MGAT4C: variants seen among roughly 807,000 people sequenced by gnomAD.
MGAT4C encodes alpha-1,3-mannosyl-glycoprotein 4-beta-N-acetylglucosaminyltransferase C.
A neutral mutation model predicts 40.1 loss-of-function variants in MGAT4C; 19 were observed. The observed-to-expected ratio is 0.47, with a 90% CI of 0.33 to 0.70. The LOEUF (loss-of-function observed/expected upper bound fraction) is 0.70. Ranked by LOEUF, MGAT4C falls within the 30% of genes least tolerant of loss-of-function variation. The pLI, the probability that MGAT4C is intolerant of heterozygous loss-of-function variation, is 0.02. For synonymous variants in MGAT4C, 181 were observed against 187.1 expected (o/e 0.97, Z 0.27); for missense variants, 491 against 563.2 (o/e 0.87, Z 1.30).
At chr12:86,004,592 C>G (rs7313373) in intron 2 of MGAT4C, among the ~76,000 whole-genome samples, 68,033 of 151,892 alleles carry the variant, frequency 0.45, 16,087 homozygotes, top group African/African-American at 0.54. Context: ...CTAGAGTAGA[C>G]AAGCCAATGG....
At chr12:86,296,965 C>A (rs778564152) in intron 4 of MGAT4C, among the ~76,000 whole-genome samples, 1 of 152,152 alleles carries the variant, frequency 6.6e-6, no homozygotes, top group Non-Finnish European at 1.5e-5. Flanking sequence ...TCAGTAACAG[C>A]CAAAGGTTAA....
chr12:86,751,625 A>G (rs1014744238), intron 1 of MGAT4C, among the ~76,000 whole-genome samples: 1 of 152,084 alleles, frequency 6.6e-6, no homozygotes, highest in African/African-American at 2.4e-5. Context: ...TAATAGCTTT[A>G]GCATAACTGC....
At chr12:86,189,038 A>C (rs1889086555) in intron 1 of MGAT4C, among the ~76,000 whole-genome samples, 1 of 151,914 alleles carries the variant, frequency 6.6e-6, no homozygotes, top group Non-Finnish European at 1.5e-5. Context: ...GAAATTGATG[A>C]CTTTCTCTGT....
In MGAT4C at chr12:85,961,475, T is replaced by C. The variant is rs2136642725; in HGVS notation, c.*17814A>G. 6.6e-6 allele frequency: 1 copy of C among 151,884 alleles called. No individual in the cohort carries two copies. The highest frequency in any genetic ancestry group is 1.9e-4 in the East Asian group (1 of 5,180). 9.4% of individuals were successfully genotyped at this position (151,884 alleles called of 1,614,324 possible). A position where few individuals can be genotyped will look rare whatever the true frequency, so the allele number is the denominator to read the frequency against. On this transcript the variant is annotated 3_prime_UTR_variant, in exon 5 of 5. Transcript: ENST00000611864. ...AGGTTATAATCAAGATAATTATGTA[T>C]ATATATAAAATTATATATGGTATAG...
At chr12:86,181,751 CTCA>C (rs2135868802) in intron 1 of MGAT4C, among the ~76,000 whole-genome samples, 1 of 152,030 alleles carries the variant, frequency 6.6e-6, no homozygotes, top group African/African-American at 2.4e-5. Flanking sequence ...TAAAATTTTG[CTCA>C]TGTTTTTCGT....
intron 3 of MGAT4C, among the ~76,000 whole-genome samples, chr12:86,400,791 G>A (rs574284680): frequency 3.7e-4 from 56 of 152,240 alleles, no homozygotes; most frequent in African/African-American, 1.2e-3. Context: ...TAATATAGAG[G>A]TAGTCATAAT....
intron 1 of MGAT4C, among the ~76,000 whole-genome samples, chr12:86,738,804 T>C (rs1004462998): frequency 6.6e-6 from 1 of 151,132 alleles, no homozygotes; most frequent in Admixed American, 6.6e-5. Context: ...TGGGGTTGAA[T>C]TTCCAACCTT....
intron 2 of MGAT4C, among the ~76,000 whole-genome samples, chr12:86,546,029 A>C (rs1277239584): frequency 6.6e-6 from 1 of 151,986 alleles, no homozygotes; most frequent in Non-Finnish European, 1.5e-5. Flanking sequence ...CTACAATTAA[A>C]TTAATAAAAT....
chr12:85,978,646 T>C lies in MGAT4C; in HGVS notation c.*643A>G, dbSNP rs998970590. 7.2e-5 allele frequency: 11 copies of C among 151,954 alleles called. No individual in the cohort carries two copies. The highest frequency in any genetic ancestry group is 3.4e-3 in the Middle Eastern group (1 of 294). The allele number at this position is 151,954 out of a possible 1,614,324, so 9.4% of individuals were successfully genotyped here. On this transcript the variant is annotated 3_prime_UTR_variant, in exon 5 of 5. Transcript: ENST00000611864. ...CCCCAGAAAATTTATCAACAATAGG[T>C]GCTCAATTAAATGTTTTTAAACAAT...
At chr12:86,346,658 T>C (rs978407424) in intron 3 of MGAT4C, among the ~76,000 whole-genome samples, 1 of 152,162 alleles carries the variant, frequency 6.6e-6, no homozygotes, top group South Asian at 2.1e-4. Flanking sequence ...ACTGCAACTT[T>C]TGTTGTTATG....
At chr12:86,036,809 A>C (rs1891280848) in intron 2 of MGAT4C, among the ~76,000 whole-genome samples, 1 of 150,048 alleles carries the variant, frequency 6.7e-6, no homozygotes, top group African/African-American at 2.4e-5. Context: ...TGGCCTCATA[A>C]AATGAGTTAG....
At chr12:86,704,817 A>T (rs1338617908) in intron 2 of MGAT4C, among the ~76,000 whole-genome samples, 1 of 152,190 alleles carries the variant, frequency 6.6e-6, no homozygotes, top group East Asian at 1.9e-4. Context: ...TAAGACTTAA[A>T]TGCTTCTTGT....
At chr12:86,565,458 C>T (rs1299263968) in intron 2 of MGAT4C, among the ~76,000 whole-genome samples, 4 of 152,152 alleles carry the variant, frequency 2.6e-5, no homozygotes, top group Non-Finnish European at 5.9e-5. Flanking sequence ...GCACTACAGC[C>T]CATTTCTAGG....
chr12:86,185,584 C>T (rs1888670450), intron 1 of MGAT4C, among the ~76,000 whole-genome samples: 2 of 152,022 alleles, frequency 1.3e-5, no homozygotes, highest in Admixed American at 6.6e-5. Context: ...TAATTCTGCC[C>T]CATTCTAATT....
At chr12:86,089,487 A>G (rs370257420) in intron 1 of MGAT4C, among the ~76,000 whole-genome samples, 1 of 151,716 alleles carries the variant, frequency 6.6e-6, no homozygotes, top group African/African-American at 2.4e-5. Flanking sequence ...CTCCTCCTCT[A>G]TCCCACTGGT....
At chr12:86,185,367 C>A (rs1888646355) in intron 1 of MGAT4C, among the ~76,000 whole-genome samples, 1 of 152,092 alleles carries the variant, frequency 6.6e-6, no homozygotes, top group Non-Finnish European at 1.5e-5. Context: ...ACATTGTAGG[C>A]AATTCCCAAA....
At chr12:86,039,983 T>C (rs1414697047) in intron 2 of MGAT4C, among the ~76,000 whole-genome samples, 1 of 152,232 alleles carries the variant, frequency 6.6e-6, no homozygotes, top group African/African-American at 2.4e-5. Context: ...GTCACATCCT[T>C]CTGCTGCAGA....
intron 2 of MGAT4C, among the ~76,000 whole-genome samples, chr12:86,578,903 T>G (rs1316303903): frequency 6.6e-6 from 1 of 151,630 alleles, no homozygotes; most frequent in East Asian, 1.9e-4. Flanking sequence ...TTGCTGTTGC[T>G]TTTCTAGTTA....
chr12:85,996,152 G>A (rs1886601186), intron 2 of MGAT4C, among the ~76,000 whole-genome samples: 1 of 151,806 alleles, frequency 6.6e-6, no homozygotes, highest in African/African-American at 2.4e-5. Flanking sequence ...AAACTAATCA[G>A]AGAGAAAAAA....
Sources: gnomAD v4.1 joint callset for allele counts (sites outside exome capture counted in the v4.1 genomes callset) on GRCh38, gnomAD v4.1.1 for gene constraint, MANE v1.5 for transcripts, NCBI Gene and HGNC (gene_info 2026-07-23, HGNC 2026-07-21) for gene names.